The following PRMT8 variants were observed in gnomAD, a reference collection of about 807,000 sequenced individuals.
PRMT8 encodes protein arginine methyltransferase 8.
In PRMT8, 7 loss-of-function variants were observed where a neutral mutation model predicts 47.1. The ratio of observed to expected loss-of-function variants is 0.15; its 90% CI spans 0.08 to 0.28. The LOEUF (loss-of-function observed/expected upper bound fraction) is 0.28, where lower values mean the gene tolerates loss of function less well. PRMT8 is among the 10% of genes least tolerant of loss of function. The pLI is 1.00. For missense variants in PRMT8, 237 were observed against 505.4 expected (o/e 0.47, Z 5.09); for synonymous variants, 188 against 186.5 (o/e 1.01, Z -0.07).
At chr12:3,486,439 G>C (rs1482106171), upstream of PRMT8, among the ~76,000 whole-genome samples, 1 of 152,088 alleles carries the variant, frequency 6.6e-6, no homozygotes, top group Non-Finnish European at 1.5e-5. Context: ...TCACCTTTTA[G>C]TCCAGAATAC....
intron 1 of PRMT8, among the ~76,000 whole-genome samples, chr12:3,392,829 C>T (rs1377373786): frequency 6.6e-6 from 1 of 152,010 alleles, no homozygotes; most frequent in African/African-American, 2.4e-5. Flanking sequence ...GTCCCACCAA[C>T]AGTGTAAAAG....
At chr12:3,561,981 T>G (rs1591603719) in intron 4 of PRMT8, among the ~76,000 whole-genome samples, 3 of 152,170 alleles carry the variant, frequency 2.0e-5, no homozygotes, top group Admixed American at 2.0e-4. Context: ...ATTTGCAGAA[T>G]GGATGCCATC....
intron 1 of PRMT8, among the ~76,000 whole-genome samples, chr12:3,464,113 C>A (rs1865065927): frequency 6.6e-6 from 1 of 152,030 alleles, no homozygotes; most frequent in South Asian, 2.1e-4. Context: ...CCTTTGAGAG[C>A]AATGTGAACG....
At chr12:3,589,988 T>C (rs946458546) in intron 8 of PRMT8, among the ~76,000 whole-genome samples, 2 of 152,176 alleles carry the variant, frequency 1.3e-5, no homozygotes, top group African/African-American at 4.8e-5. Context: ...TCTCCACACA[T>C]AACCAGGAAC....
At position 3,576,734 on chromosome 12, in the gene PRMT8, G is replaced by A; in HGVS notation, c.713-137G>A. The A allele has an allele frequency of 2.9e-6, 2 of 692,264 alleles. No homozygotes were observed. Among genetic ancestry groups the A allele is most frequent in the South Asian group, 1.7e-5 (1 of 57,926 alleles). The allele number at this position is 692,264 out of a possible 1,614,324, so 42.9% of individuals were successfully genotyped here. On this transcript the variant is annotated intron_variant, in intron 6 of 9. Transcript: ENST00000382622. This position sits in a 1 kb window ranked among gnomAD's most constrained non-coding sequence, Gnocchi z 4.0. ...ATTGCAAAGTGCCCCCAGGTGAGCAGTTCTGCCTCTATTTCGATGCAAGGG... is the reference window on the plus strand; with the variant it reads ...ATTGCAAAGTGCCCCCAGGTGAGCAATTCTGCCTCTATTTCGATGCAAGGG...
chr12:3,539,144 A>G (rs1866174873), intron 1 of PRMT8, among the ~76,000 whole-genome samples: 1 of 152,244 alleles, frequency 6.6e-6, no homozygotes, highest in Non-Finnish European at 1.5e-5. Flanking sequence ...AAATCGAGAC[A>G]TAGAACAAGG....
intron 1 of PRMT8, among the ~76,000 whole-genome samples, chr12:3,475,800 G>C (rs1440101754): frequency 6.6e-6 from 1 of 152,162 alleles, no homozygotes; most frequent in Non-Finnish European, 1.5e-5. Flanking sequence ...GGGGAGGGAG[G>C]GGGAAGGCGG....
chr12:3,486,901 C>T (rs1330700308), upstream of PRMT8, among the ~76,000 whole-genome samples: 7 of 152,220 alleles, frequency 4.6e-5, no homozygotes. Context: ...GTTTTAATGG[C>T]AAAAGAAAAA....
At chr12:3,591,400 G>C (rs1364519150) in intron 8 of PRMT8, among the ~76,000 whole-genome samples, 1 of 144,884 alleles carries the variant, frequency 6.9e-6, no homozygotes, top group African/African-American at 2.6e-5. Flanking sequence ...AGCAGGCAGG[G>C]AAAGCTCTTT....
chr12:3,522,265 C>T lies in PRMT8; in HGVS notation c.76-18341C>T, dbSNP rs143291790. Among the ~76,000 whole-genome samples, 419 of 152,276 alleles carry T rather than the reference C, an allele frequency of 2.8e-3. 3 individuals are homozygous for T. The highest frequency in any genetic ancestry group is 1.0e-2 in the African/African-American group (414 of 41,550). Reference sequence around the variant, plus strand: ...AATTGTATACTGGCCATATCCTCCACCCTGTCATTCCTTAGGTTAAAAGGA... The same window carrying T: ...AATTGTATACTGGCCATATCCTCCATCCTGTCATTCCTTAGGTTAAAAGGA... On this transcript the variant is annotated intron_variant, in intron 1 of 9. Transcript: ENST00000382622.
intron 1 of PRMT8, among the ~76,000 whole-genome samples, chr12:3,516,342 C>T (rs1290220523): frequency 2.6e-5 from 4 of 152,088 alleles, no homozygotes; most frequent in African/African-American, 9.7e-5. Context: ...TTCATTCATT[C>T]GTTTGTTCAT....
intron 1 of PRMT8, among the ~76,000 whole-genome samples, chr12:3,471,754 T>A (rs1448629674): frequency 1.3e-5 from 2 of 151,944 alleles, no homozygotes; most frequent in Admixed American, 6.6e-5. Context: ...ACCATGGCCC[T>A]TGTAAGTACC....
At chr12:3,554,920 G>T (rs780084025) in intron 4 of PRMT8, among the ~76,000 whole-genome samples, 15 of 152,136 alleles carry the variant, frequency 9.9e-5, no homozygotes, top group Non-Finnish European at 1.5e-5. Context: ...CACCCCTCTG[G>T]GTCTGACCTG....
chr12:3,381,373 G>A, exon 1 of PRMT8: 1 of 1,535,944 alleles, frequency 6.5e-7, no homozygotes. Flanking sequence ...GAGGCTTGCT[G>A]TTTGAATGTG....
chr12:3,449,398 G>T (rs1864894003), intron 1 of PRMT8, among the ~76,000 whole-genome samples: 1 of 152,196 alleles, frequency 6.6e-6, no homozygotes, highest in African/African-American at 2.4e-5. Context: ...ACCAGCATCT[G>T]TAGTTTCTTG....
intron 1 of PRMT8, among the ~76,000 whole-genome samples, chr12:3,505,858 G>C (rs1451389954): frequency 6.6e-6 from 1 of 152,176 alleles, no homozygotes; most frequent in Non-Finnish European, 1.5e-5. Context: ...TAACTGATTG[G>C]AGCTTGTGGC....
At chr12:3,520,405 TG>T (rs1307322202) in intron 1 of PRMT8, among the ~76,000 whole-genome samples, 1 of 152,222 alleles carries the variant, frequency 6.6e-6, no homozygotes, top group African/African-American at 2.4e-5. Context: ...AAAGGCACCC[TG>T]GGAGCCCAGC....
At chr12:3,479,140 G>A (rs1000073160) in intron 1 of PRMT8, among the ~76,000 whole-genome samples, 2 of 152,212 alleles carry the variant, frequency 1.3e-5, no homozygotes, top group African/African-American at 2.4e-5. Flanking sequence ...AAAATTCGTA[G>A]GTTATTAAAG....
At chr12:3,445,245 G>A (rs934726224) in intron 1 of PRMT8, among the ~76,000 whole-genome samples, 2 of 152,200 alleles carry the variant, frequency 1.3e-5, no homozygotes, top group Non-Finnish European at 2.9e-5. Context: ...AACCCTCCTG[G>A]TGCCCAGGGA....
Sources: gnomAD v4.1 joint callset for allele counts (sites outside exome capture counted in the v4.1 genomes callset) on GRCh38, gnomAD v4.1.1 for gene constraint, Gnocchi (gnomAD v3.1) non-coding constraint, MANE v1.5 for transcripts, NCBI Gene and HGNC (gene_info 2026-07-23, HGNC 2026-07-21) for gene names.